The following CTPS2 variants were observed in gnomAD, a reference collection of about 807,000 sequenced individuals.
The protein encoded by CTPS2 is CTP synthase II.
In CTPS2, 19 loss-of-function variants were observed where a neutral mutation model predicts 46.8. The observed-to-expected ratio is 0.41, with a 90% CI of 0.28 to 0.60. CTPS2 has a LOEUF of 0.60. Ranked by LOEUF, CTPS2 falls within the 20% of genes least tolerant of loss-of-function variation. CTPS2 has a pLI of 0.35. For missense variants in CTPS2, 286 were observed against 447.6 expected, an observed-to-expected ratio of 0.64 and a Z score of 3.26; for synonymous variants, 151 against 165.2, an observed-to-expected ratio of 0.91 and a Z score of 0.66.
chrX:16,625,192 G>A (rs1326303434), intron 14 of CTPS2, among the ~76,000 whole-genome samples: 1 of 112,486 alleles, frequency 8.9e-6, no homozygotes, highest in Non-Finnish European at 1.9e-5. Flanking sequence ...CCACACAATG[G>A]AATATTATTC....
chrX:16,599,482 T>TC (rs1318324931), intron 17 of CTPS2, among the ~76,000 whole-genome samples: 1 of 104,610 alleles, frequency 9.6e-6, no homozygotes, highest in Non-Finnish European at 2.0e-5. Context: ...TTTTCTTTTT[T>TC]TTTTTTTTTT....
chrX:16,683,123 G>A lies in CTPS2; in HGVS notation c.976C>T (p.Leu326=). Residue 326 remains leucine (L), a synonymous_variant, in exon 9 of 19, where the codon CTG becomes TTG. Coordinates refer to ENST00000359276, the MANE Select transcript of CTPS2 (RefSeq NM_175859.3). ...AGATTCAACTTGTGGTTGATGGCCA[G>A]GGCTGAGTGTTCCAGGGCTTTGAAC... ...SVFKALEHSA[L]AINHKLNLMY... is the part of the protein sequence containing the mutation. 1 of 1,211,602 alleles carries A rather than the reference G, an allele frequency of 8.3e-7. No individual in the cohort carries two copies. Among genetic ancestry groups the A allele is most frequent in the Non-Finnish European group, 1.1e-6 (1 of 895,384 alleles).
At chrX:16,650,630 G>A (rs1254826526) in intron 13 of CTPS2, among the ~76,000 whole-genome samples, 3 of 104,265 alleles carry the variant, frequency 2.9e-5, no homozygotes, top group African/African-American at 1.1e-4. Flanking sequence ...CTCCTGCCTC[G>A]GTCTTCCAAG....
chrX:16,608,801 C>T (rs1001132607), intron 17 of CTPS2, among the ~76,000 whole-genome samples: 14 of 111,340 alleles, frequency 1.3e-4, no homozygotes, highest in Admixed American at 1.1e-3. Flanking sequence ...TTACTCAACT[C>T]GTTGACAATT....
At chrX:16,711,591 G>C (rs1407267941) in intron 1 of CTPS2, 2 of 110,829 alleles carry the variant, frequency 1.8e-5, no homozygotes, top group African/African-American at 6.6e-5. Flanking sequence ...TTGAGTGCGG[G>C]GCCTGGGGTG....
At chrX:16,700,383 C>A (rs1012858912) in intron 2 of CTPS2, among the ~76,000 whole-genome samples, 1 of 108,940 alleles carries the variant, frequency 9.2e-6, no homozygotes, top group Non-Finnish European at 1.9e-5. Flanking sequence ...TCCCAAAATG[C>A]TGCGATTACA....
At chrX:16,600,960 G>A (rs1260054588) in intron 17 of CTPS2, among the ~76,000 whole-genome samples, 1 of 111,573 alleles carries the variant, frequency 9.0e-6, no homozygotes, top group Non-Finnish European at 1.9e-5. Context: ...GAATCAGCAA[G>A]TTTAGGAGTA....
rs980440015 is a variant in CTPS2, at chrX:16,709,225, C to T, written c.-40+3110G>A. Among the ~76,000 whole-genome samples, 8 of 108,225 alleles carry T rather than the reference C, an allele frequency of 7.4e-5. No homozygotes were observed. In the South Asian group the frequency reaches 1.6e-3, roughly 21 times the overall value. The allele number at this position is 108,225 out of a possible 115,157, so 94.0% of individuals were successfully genotyped here. A position where few individuals can be genotyped will look rare whatever the true frequency, so the allele number is the denominator to read the frequency against. On this transcript the variant is annotated intron_variant, in intron 1 of 18. Transcript: ENST00000359276. Reference sequence around the variant, plus strand: ...GGCGGATTGCCTGAGCTCAGGAGTTCGAGACCAGCCTGGGCAACATGGGGA... The same window carrying T: ...GGCGGATTGCCTGAGCTCAGGAGTTTGAGACCAGCCTGGGCAACATGGGGA...
chrX:16,599,792 T>C (rs1929549761), intron 17 of CTPS2, among the ~76,000 whole-genome samples: 1 of 106,797 alleles, frequency 9.4e-6, no homozygotes, highest in Non-Finnish European at 1.9e-5. Flanking sequence ...CCCTTTTTTT[T>C]TCTTTTGACA....
intron 16 of CTPS2, among the ~76,000 whole-genome samples, chrX:16,614,174 A>G (rs938280004): frequency 3.6e-5 from 4 of 112,268 alleles, no homozygotes; most frequent in Non-Finnish European, 7.5e-5. Context: ...GGCCACATTC[A>G]AATCCACCCT....
intron 13 of CTPS2, among the ~76,000 whole-genome samples, chrX:16,655,791 CT>C (rs935187994): frequency 3.7e-5 from 4 of 108,835 alleles, no homozygotes; most frequent in Non-Finnish European, 7.7e-5. Flanking sequence ...TTTTCTTTTT[CT>C]TTTTTTTTCT....
intron 13 of CTPS2, among the ~76,000 whole-genome samples, chrX:16,662,992 A>C (rs1933009659): frequency 8.9e-6 from 1 of 111,796 alleles, no homozygotes; most frequent in Non-Finnish European, 1.9e-5. Context: ...AAAATAATGG[A>C]CACAAACTAA....
At chrX:16,590,888 G>GT (rs1928864153) in intron 17 of CTPS2, 26 bp from the exon 18 acceptor site, 1 of 1,078,839 alleles carries the variant, frequency 9.3e-7, no homozygotes, top group Admixed American at 2.4e-5. Flanking sequence ...AACTAATTTA[G>GT]CAAGGTATAA....
At position 16,681,130 on chromosome X, in the gene CTPS2, G is replaced by A. The variant is rs186323970; in HGVS notation, c.1005+1964C>T. Among the ~76,000 whole-genome samples the A allele has an allele frequency of 8.0e-3, 883 of 110,964 alleles. 7 individuals carry two copies. The highest frequency in any genetic ancestry group is 0.027 in the African/African-American group (839 of 30,622). ...GAACCCAGAAGGCAGAGGTTGCAGT[G>A]AGCTGAGATGGCACCACTGTACTCC... On this transcript the variant is annotated intron_variant, in intron 9 of 18. Transcript: ENST00000359276.
At chrX:16,650,511 CTTT>C (rs1167079038) in intron 13 of CTPS2, among the ~76,000 whole-genome samples, 2 of 77,205 alleles carry the variant, frequency 2.6e-5, no homozygotes. Flanking sequence ...TCTAAGATGT[CTTT>C]TTTTTTTTTT....
chrX:16,679,562 T>G (rs915372172), intron 9 of CTPS2, among the ~76,000 whole-genome samples: 8 of 110,554 alleles, frequency 7.2e-5, no homozygotes. Flanking sequence ...ACTTGACACT[T>G]GAAGCCAATT....
At chrX:16,620,808 C>T (rs989445412) in intron 14 of CTPS2, among the ~76,000 whole-genome samples, 5 of 112,071 alleles carry the variant, frequency 4.5e-5, no homozygotes, top group Admixed American at 9.5e-5. Flanking sequence ...TGGCCCAATG[C>T]TTTCTCCACT....
intron 13 of CTPS2, among the ~76,000 whole-genome samples, chrX:16,660,853 C>T (rs984073457): frequency 2.7e-5 from 3 of 110,922 alleles, no homozygotes; most frequent in African/African-American, 9.8e-5. Context: ...CCTCAGCCAA[C>T]AGTCTGATGT....
chrX:16,693,254 C>A, intron 5 of CTPS2, 30 bp from the exon 6 acceptor site: 1 of 1,128,561 alleles, frequency 8.9e-7, no homozygotes, highest in South Asian at 1.8e-5. Flanking sequence ...CGTCAGCACA[C>A]TGGACACTAG....
Sources: gnomAD v4.1 joint callset for allele counts (sites outside exome capture counted in the v4.1 genomes callset) on GRCh38, gnomAD v4.1.1 for gene constraint, MANE v1.5 for transcripts, NCBI Gene and HGNC (gene_info 2026-07-23, HGNC 2026-07-21) for gene names.